NRG1: variants seen among roughly 807,000 people sequenced by gnomAD.
The protein encoded by NRG1 is neuregulin 1, also known as pro-neuregulin-1, membrane-bound isoform.
Under a neutral mutation model 63.8 loss-of-function variants are expected in NRG1, and 18 were observed. The ratio of observed to expected loss-of-function variants is 0.28; its 90% CI spans 0.19 to 0.42. The LOEUF is 0.42. NRG1 is among the 10% of genes least tolerant of loss of function. The probability of loss-of-function intolerance (pLI) is 1.00; values close to 1 mark genes in which losing one functional copy is unlikely to be tolerated. For missense variants in NRG1, 762 were observed against 814.7 expected (o/e 0.94, Z 0.79); for synonymous variants, 302 against 301.3 (o/e 1.00, Z -0.02).
At chr8:31,665,309 T>G (rs1195757371) in intron 1 of NRG1, among the ~76,000 whole-genome samples, 1 of 152,196 alleles carries the variant, frequency 6.6e-6, no homozygotes, top group African/African-American at 2.4e-5. Context: ...ACCCATCCTA[T>G]TCCAGTACCA....
intron 5 of NRG1, among the ~76,000 whole-genome samples, chr8:32,682,068 C>T (rs1040039842): frequency 6.6e-6 from 1 of 152,128 alleles, no homozygotes; most frequent in Non-Finnish European, 1.5e-5. Context: ...TCATTGATCT[C>T]ATTTTCTATT....
chr8:32,621,386 C>A (rs1848306761), intron 5 of NRG1, among the ~76,000 whole-genome samples: 1 of 152,084 alleles, frequency 6.6e-6, no homozygotes. Context: ...ACAAAACAGT[C>A]AATAGGACTA....
intron 6 of NRG1, among the ~76,000 whole-genome samples, chr8:32,732,729 A>G (rs1464967932): frequency 6.6e-6 from 1 of 151,938 alleles, no homozygotes; most frequent in East Asian, 1.9e-4. Context: ...TGGTAGTATT[A>G]CATTCTCTCA....
At chr8:31,821,754 T>C (rs940996828) in intron 1 of NRG1, among the ~76,000 whole-genome samples, 1 of 152,022 alleles carries the variant, frequency 6.6e-6, no homozygotes, top group Non-Finnish European at 1.5e-5. Context: ...AACACACTTA[T>C]GTCATTTTTA....
chr8:31,882,054 A>G (rs1830385205), intron 1 of NRG1, among the ~76,000 whole-genome samples: 1 of 152,168 alleles, frequency 6.6e-6, no homozygotes, highest in African/African-American at 2.4e-5. Context: ...TTGGAAGAAG[A>G]TGCCATCTTG....
At chr8:32,743,020 A>T in intron 7 of NRG1, 1 of 1,212,838 alleles carries the variant, frequency 8.2e-7, no homozygotes, top group Non-Finnish European at 1.0e-6. Flanking sequence ...AATATCAAGC[A>T]GTGAAATATG....
At chr8:31,678,088 G>GTTATTTATTTATTTAT (rs56884285) in intron 1 of NRG1, among the ~76,000 whole-genome samples, 155 of 150,080 alleles carry the variant, frequency 1.0e-3, no homozygotes, top group South Asian at 7.8e-3. Context: ...CTTTTAACTT[G>GTTATTTATTTATTTAT]TTATTTATTT....
intron 1 of NRG1, among the ~76,000 whole-genome samples, chr8:32,049,632 G>A (rs1254179648): frequency 6.6e-6 from 1 of 152,116 alleles, no homozygotes; most frequent in Non-Finnish European, 1.5e-5. Context: ...GATACTTGTA[G>A]TGTAGGAAAT....
At chr8:32,048,429 G>C (rs546140487) in intron 1 of NRG1, among the ~76,000 whole-genome samples, 83 of 117,424 alleles carry the variant, frequency 7.1e-4, no homozygotes, top group African/African-American at 2.7e-3. Context: ...ACATGCATAT[G>C]TACACATATA....
At position 32,722,010 on chromosome 8, in the gene NRG1, T is replaced by C. The variant is rs3779654; in HGVS notation, c.503-5939T>C. The C allele has an allele frequency of 8.3e-5, 129 of 1,549,384 alleles. 1 individual carries two copies. The East Asian group carries it at 3.1e-3, about 37-fold the overall frequency. ...TTCAAAGAGCAGGAAAGTATGCAGATTCCTAAACACATAAGCATTGAAGAT... is the reference window on the plus strand; with the variant it reads ...TTCAAAGAGCAGGAAAGTATGCAGACTCCTAAACACATAAGCATTGAAGAT... On this transcript the variant is annotated intron_variant, in intron 5 of 11. Transcript: ENST00000356819.
intron 1 of NRG1, among the ~76,000 whole-genome samples, chr8:31,746,729 G>A (rs1323353338): frequency 2.0e-5 from 3 of 151,948 alleles, no homozygotes; most frequent in Non-Finnish European, 4.4e-5. Context: ...CAGCACTGTT[G>A]ACAGTAGCTA....
chr8:32,375,751 C>T (rs953419365), intron 1 of NRG1, among the ~76,000 whole-genome samples: 6 of 152,192 alleles, frequency 3.9e-5, no homozygotes, highest in African/African-American at 1.4e-4. Context: ...TTTCTGTTCA[C>T]ATATTTGTCT....
At chr8:32,469,701 A>T (rs1205833803) in intron 1 of NRG1, among the ~76,000 whole-genome samples, 4 of 152,224 alleles carry the variant, frequency 2.6e-5, no homozygotes, top group Non-Finnish European at 5.9e-5. Flanking sequence ...ATGGGGTGAG[A>T]CCCTCAAGAT....
intron 5 of NRG1, among the ~76,000 whole-genome samples, chr8:32,672,244 C>G (rs1006073854): frequency 6.6e-5 from 10 of 152,154 alleles, no homozygotes; most frequent in Admixed American, 2.0e-4. Flanking sequence ...TGGGGTTTCA[C>G]CATATTGGCC....
At chr8:32,241,460 C>T (rs868841864) in intron 1 of NRG1, among the ~76,000 whole-genome samples, 4 of 152,104 alleles carry the variant, frequency 2.6e-5, no homozygotes, top group Non-Finnish European at 5.9e-5. Flanking sequence ...TACAAAGCCT[C>T]GGATTGCATA....
At chr8:32,490,305 A>C (rs1587943171) in intron 1 of NRG1, among the ~76,000 whole-genome samples, 1 of 110,170 alleles carries the variant, frequency 9.1e-6, no homozygotes, top group Non-Finnish European at 2.0e-5. Flanking sequence ...ACTCTGTCTC[A>C]AAAAAAAAAA....
intron 1 of NRG1, among the ~76,000 whole-genome samples, chr8:31,804,590 G>A (rs1257497852): frequency 1.3e-5 from 2 of 152,150 alleles, no homozygotes; most frequent in South Asian, 2.1e-4. Flanking sequence ...TTTAAGGAAC[G>A]TGATTGCTGG....
intron 1 of NRG1, among the ~76,000 whole-genome samples, chr8:31,880,722 G>A (rs1044373847): frequency 6.6e-6 from 1 of 152,110 alleles, no homozygotes; most frequent in Non-Finnish European, 1.5e-5. Context: ...GATCTCTTTA[G>A]TTATTTTTTA....
chr8:31,856,956 G>T (rs1827949229), intron 1 of NRG1, among the ~76,000 whole-genome samples: 1 of 152,180 alleles, frequency 6.6e-6, no homozygotes, highest in Non-Finnish European at 1.5e-5. Context: ...CACTTGAGGA[G>T]GCAGTCTGCC....
Sources: gnomAD v4.1 joint callset for allele counts (sites outside exome capture counted in the v4.1 genomes callset) on GRCh38, gnomAD v4.1.1 for gene constraint, MANE v1.5 for transcripts, NCBI Gene and HGNC (gene_info 2026-07-23, HGNC 2026-07-21) for gene names.